C12orf42: variants seen among roughly 807,000 people sequenced by gnomAD.
C12orf42 encodes uncharacterized protein C12orf42.
In C12orf42, 25 loss-of-function variants were observed where a neutral mutation model predicts 21.6. The ratio of observed to expected loss-of-function variants is 1.16; its 90% CI spans 0.84 to 1.62. The LOEUF (loss-of-function observed/expected upper bound fraction) is 1.62, where lower values mean the gene tolerates loss of function less well. Among genes scored for constraint, C12orf42 ranks in the 40% most tolerant of loss-of-function variants. The pLI is 0.00. For synonymous variants in C12orf42, 174 were observed against 175.0 expected, an observed-to-expected ratio of 0.99 and a Z score of 0.05; for missense variants, 483 against 459.3, an observed-to-expected ratio of 1.05 and a Z score of -0.47.
At chr12:103,503,047 CAG>C in the C12orf42 span, among the ~76,000 whole-genome samples, 1 of 152,150 alleles carries the variant, frequency 6.6e-6, no homozygotes, top group African/African-American at 2.4e-5. Flanking sequence ...CTGTTAGAAA[CAG>C]AGCCAAAAAT....
the C12orf42 span, among the ~76,000 whole-genome samples, chr12:103,135,416 C>T: frequency 6.6e-6 from 1 of 150,860 alleles, no homozygotes; most frequent in Non-Finnish European, 1.5e-5. Flanking sequence ...GAAATTGATC[C>T]ACTCCACTCC....
intron 2 of C12orf42, among the ~76,000 whole-genome samples, chr12:103,450,219 A>G (rs1230684479): frequency 6.6e-6 from 1 of 152,118 alleles, no homozygotes; most frequent in East Asian, 1.9e-4. Context: ...TTAACATGAT[A>G]GATTTGGTTT....
chr12:103,518,296 A>G, the C12orf42 span, among the ~76,000 whole-genome samples: 236 of 152,328 alleles, frequency 1.5e-3, 1 homozygote, highest in African/African-American at 5.2e-3. Flanking sequence ...AAGGAGCCAG[A>G]AACTGAAGCC....
chr12:103,136,137 T>G, the C12orf42 span, among the ~76,000 whole-genome samples: 1 of 152,114 alleles, frequency 6.6e-6, no homozygotes, highest in Non-Finnish European at 1.5e-5. Flanking sequence ...TAATCTTCTA[T>G]CTAGAAAAAC....
At chr12:103,184,217 T>A in the C12orf42 span, among the ~76,000 whole-genome samples, 1 of 152,210 alleles carries the variant, frequency 6.6e-6, no homozygotes, top group Non-Finnish European at 1.5e-5. Context: ...TTGCTTCACA[T>A]CTTTTGAGGT....
At chr12:103,485,580 G>A (rs1172454687) in intron 1 of C12orf42, among the ~76,000 whole-genome samples, 2 of 152,146 alleles carry the variant, frequency 1.3e-5, no homozygotes, top group Non-Finnish European at 1.5e-5. Flanking sequence ...CCATTTTCAT[G>A]ATATTGATTC....
the C12orf42 span, among the ~76,000 whole-genome samples, chr12:103,205,144 G>T: frequency 6.6e-6 from 1 of 152,164 alleles, no homozygotes; most frequent in Non-Finnish European, 1.5e-5. Flanking sequence ...TGTTGATGAG[G>T]CTGTGGAACA....
Position 103,462,801 on chromosome 12 carries a change from T to C in C12orf42, c.78+15548A>G, listed in dbSNP as rs544986884. Among the ~76,000 whole-genome samples, 37 of 152,292 alleles carry C rather than the reference T, an allele frequency of 2.4e-4. 1 individual carries two copies. The highest frequency in any genetic ancestry group is 8.7e-4 in the African/African-American group (36 of 41,564). On this transcript the variant is annotated intron_variant, in intron 2 of 5. Transcript: ENST00000548883. ...CAAATGGTAGGGTCATTGCTCTGAT[T>C]ACTCATTAAACCCTATCTGTGGAGA... is the stretch of plus-strand genomic sequence containing the variant.
intron 4 of C12orf42, among the ~76,000 whole-genome samples, chr12:103,365,352 A>G (rs1305843124): frequency 6.6e-6 from 1 of 152,172 alleles, no homozygotes; most frequent in Non-Finnish European, 1.5e-5. Context: ...CCTATGACAA[A>G]TTCACAGCCA....
At chr12:103,266,379 G>A (rs2035171816), downstream of C12orf42, among the ~76,000 whole-genome samples, 1 of 152,078 alleles carries the variant, frequency 6.6e-6, no homozygotes, top group Non-Finnish European at 1.5e-5. Context: ...TTAGGAAAAT[G>A]TGTATAAACT....
intron 1 of C12orf42, among the ~76,000 whole-genome samples, chr12:103,485,267 A>G (rs1459022445): frequency 6.6e-6 from 1 of 152,184 alleles, no homozygotes; most frequent in Non-Finnish European, 1.5e-5. Context: ...GGTTTGTCAA[A>G]GATCAGATGG....
chr12:103,127,182 C>T, the C12orf42 span, among the ~76,000 whole-genome samples: 7 of 152,104 alleles, frequency 4.6e-5, no homozygotes, highest in African/African-American at 1.4e-4. Flanking sequence ...GGTCATCAGC[C>T]AAGAAATGCC....
intron 4 of C12orf42, among the ~76,000 whole-genome samples, chr12:103,366,611 T>C (rs1234370076): frequency 6.6e-6 from 1 of 151,656 alleles, no homozygotes; most frequent in Admixed American, 6.6e-5. Context: ...CTCAAACAAA[T>C]TAGCAAGAAA....
intron 4 of C12orf42, among the ~76,000 whole-genome samples, chr12:103,366,992 C>A (rs2137840623): frequency 6.6e-6 from 1 of 152,118 alleles, no homozygotes; most frequent in East Asian, 1.9e-4. Context: ...GAAAAAGATT[C>A]TTGGACATGC....
intron 2 of C12orf42, among the ~76,000 whole-genome samples, chr12:103,461,967 T>C (rs934161453): frequency 2.0e-5 from 3 of 151,884 alleles, no homozygotes; most frequent in Non-Finnish European, 4.4e-5. Flanking sequence ...TATTGGACTC[T>C]TTGGCACATC....
At chr12:103,437,789 C>T (rs1318111485) in intron 2 of C12orf42, among the ~76,000 whole-genome samples, 1 of 141,148 alleles carries the variant, frequency 7.1e-6, no homozygotes, top group South Asian at 2.4e-4. Flanking sequence ...AAAAAAAGTC[C>T]AGACCAGATG....
the C12orf42 span, among the ~76,000 whole-genome samples, chr12:103,190,383 G>A: frequency 3.0e-5 from 4 of 131,968 alleles, no homozygotes; most frequent in South Asian, 2.6e-4. Flanking sequence ...CCAGCCCACT[G>A]AGTCAAATAA....
chr12:103,138,956 C>A, the C12orf42 span, among the ~76,000 whole-genome samples: 2 of 152,154 alleles, frequency 1.3e-5, no homozygotes, highest in African/African-American at 4.8e-5. Flanking sequence ...TTAGCACCAT[C>A]ATGTATCTGT....
the C12orf42 span, among the ~76,000 whole-genome samples, chr12:103,520,524 T>TAACAAC: frequency 0.047 from 7,062 of 149,912 alleles, 239 homozygotes; most frequent in East Asian, 0.16. Flanking sequence ...CCTCTGCCCC[T>TAACAAC]AACAACAACA....
Sources: gnomAD v4.1 joint callset for allele counts (sites outside exome capture counted in the v4.1 genomes callset) on GRCh38, gnomAD v4.1.1 for gene constraint, MANE v1.5 for transcripts, NCBI Gene and HGNC (gene_info 2026-07-23, HGNC 2026-07-21) for gene names.